Variants in SLC24A2 observed in about 807,000 individuals in gnomAD.
The protein encoded by SLC24A2 is sodium/potassium/calcium exchanger 2.
Under a neutral mutation model 62.0 loss-of-function variants are expected in SLC24A2, and 36 were observed. The ratio of observed to expected loss-of-function variants is 0.58; its 90% confidence interval spans 0.44 to 0.77. SLC24A2 has a LOEUF of 0.77. Ranked by LOEUF, SLC24A2 falls within the 30% of genes least tolerant of loss-of-function variation. The pLI, the probability that SLC24A2 is intolerant of heterozygous loss-of-function variation, is 0.00. For synonymous variants in SLC24A2, 358 were observed against 294.0 expected, an observed-to-expected ratio of 1.22 and a Z score of -2.23; for missense variants, 846 against 817.9, an observed-to-expected ratio of 1.03 and a Z score of -0.42.
chr9:20,003,595 T>C, the SLC24A2 span, among the ~76,000 whole-genome samples: 1 of 152,060 alleles, frequency 6.6e-6, no homozygotes, highest in East Asian at 1.9e-4. Flanking sequence ...ATTAAATAAA[T>C]TATAGATTCC....
At chr9:19,591,902 A>T (rs1347620211) in intron 5 of SLC24A2, among the ~76,000 whole-genome samples, 2 of 152,240 alleles carry the variant, frequency 1.3e-5, no homozygotes, top group East Asian at 3.8e-4. Flanking sequence ...ACACAATCTC[A>T]TCCTTTCATG....
chr9:19,600,134 A>T lies in SLC24A2; in HGVS notation c.1079-2855T>A, dbSNP rs117199442. ...GGGTACCACCTGGTGCCTCTTCTCT[A>T]TAACATTTCTCTAAGAAGCCACACA... On this transcript the variant is annotated intron_variant, in intron 4 of 10. Coordinates refer to ENST00000341998, the MANE Select transcript of SLC24A2 (RefSeq NM_020344.4). 5.0e-3 allele frequency among the ~76,000 whole-genome samples: 755 copies of T among 152,312 alleles called. 5 individuals are homozygous for T. Among genetic ancestry groups the T allele is most frequent in the Non-Finnish European group, 7.9e-3 (536 of 68,032 alleles).
the SLC24A2 span, among the ~76,000 whole-genome samples, chr9:20,102,964 G>A: frequency 0.011 from 1,632 of 152,268 alleles, 25 homozygotes; most frequent in African/African-American, 0.037. Flanking sequence ...GGTGACAGAC[G>A]GTACCTGGAA....
chr9:20,116,702 A>T, the SLC24A2 span, among the ~76,000 whole-genome samples: 3 of 152,160 alleles, frequency 2.0e-5, no homozygotes, highest in Non-Finnish European at 4.4e-5. Context: ...TACTTATGGA[A>T]TGTGTATAAA....
chr9:20,166,309 A>C, the SLC24A2 span, among the ~76,000 whole-genome samples: 1 of 152,030 alleles, frequency 6.6e-6, no homozygotes, highest in African/African-American at 2.4e-5. Context: ...TATGCATATG[A>C]TTATTCATTA....
the SLC24A2 span, among the ~76,000 whole-genome samples, chr9:20,259,449 A>G: frequency 3.9e-5 from 6 of 152,136 alleles, no homozygotes; most frequent in African/African-American, 1.4e-4. Flanking sequence ...CCAAAAAAAA[A>G]TTAGTTTGTT....
rs143892709 is a variant in SLC24A2, at chr9:19,516,762, G to C, written c.1737-360C>G. ...TCAGTCCTAAAAAGGTGAATTCCAG[G>C]ATTTGCACAGGGTGAAGGGAGCAGG... On this transcript the variant is annotated intron_variant, in intron 10 of 10. Coordinates refer to ENST00000341998, the MANE Select transcript of SLC24A2 (RefSeq NM_020344.4). 8.2e-4 allele frequency among the ~76,000 whole-genome samples: 125 copies of C among 152,250 alleles called. 2 individuals are homozygous for C. The highest frequency in any genetic ancestry group is 2.9e-3 in the African/African-American group (121 of 41,554).
At chr9:20,051,316 T>C in the SLC24A2 span, among the ~76,000 whole-genome samples, 3 of 152,256 alleles carry the variant, frequency 2.0e-5, no homozygotes, top group East Asian at 1.9e-4. Context: ...AGACTAACTT[T>C]TGGTAGACCT....
intron 7 of SLC24A2, among the ~76,000 whole-genome samples, chr9:19,572,908 T>G (rs1258506461): frequency 6.6e-6 from 1 of 152,142 alleles, no homozygotes; most frequent in Admixed American, 6.5e-5. Context: ...CTCTATTACT[T>G]AACACAGACC....
chr9:19,852,677 A>G, the SLC24A2 span, among the ~76,000 whole-genome samples: 1 of 152,092 alleles, frequency 6.6e-6, no homozygotes. Context: ...CCATTGGTCT[A>G]TGTGTCTGTT....
chr9:20,226,396 G>A, the SLC24A2 span, among the ~76,000 whole-genome samples: 1 of 152,156 alleles, frequency 6.6e-6, no homozygotes, highest in South Asian at 2.1e-4. Flanking sequence ...AGAGACCATA[G>A]TTGTCCATTA....
chr9:20,111,037 G>C, the SLC24A2 span, among the ~76,000 whole-genome samples: 1 of 152,186 alleles, frequency 6.6e-6, no homozygotes, highest in Non-Finnish European at 1.5e-5. Flanking sequence ...AAGCACCTGT[G>C]AATTCAAGTA....
At chr9:20,205,617 C>CTCCA in the SLC24A2 span, among the ~76,000 whole-genome samples, 5 of 137,138 alleles carry the variant, frequency 3.6e-5, no homozygotes, top group African/African-American at 1.4e-4. Context: ...CACCACTGCA[C>CTCCA]TCCAGGCTGG....
the SLC24A2 span, among the ~76,000 whole-genome samples, chr9:20,290,575 G>C: frequency 6.6e-6 from 1 of 152,236 alleles, no homozygotes; most frequent in African/African-American, 2.4e-5. Context: ...CGCTTTAGCG[G>C]CTGGAATGAG....
intron 2 of SLC24A2, among the ~76,000 whole-genome samples, chr9:19,734,366 C>T (rs61894707): frequency 8.5e-5 from 13 of 152,224 alleles, no homozygotes; most frequent in East Asian, 3.9e-4. Context: ...CTTGGCAATG[C>T]GGGCTCTTTT....
the SLC24A2 span, among the ~76,000 whole-genome samples, chr9:20,109,175 C>T: frequency 4.6e-5 from 7 of 152,260 alleles, no homozygotes; most frequent in African/African-American, 1.2e-4. Context: ...TACTCTCTGA[C>T]GTTCACAGAC....
At chr9:20,083,802 G>A in the SLC24A2 span, among the ~76,000 whole-genome samples, 1 of 152,136 alleles carries the variant, frequency 6.6e-6, no homozygotes, top group Non-Finnish European at 1.5e-5. Flanking sequence ...ATATAAATTG[G>A]CATATGCTAA....
chr9:19,911,007 G>C, the SLC24A2 span, among the ~76,000 whole-genome samples: 1 of 150,862 alleles, frequency 6.6e-6, no homozygotes, highest in Non-Finnish European at 1.5e-5. Flanking sequence ...ATGCTGGTGT[G>C]CTGCACCCAT....
the SLC24A2 span, among the ~76,000 whole-genome samples, chr9:19,920,404 T>C: frequency 6.6e-6 from 1 of 152,226 alleles, no homozygotes; most frequent in East Asian, 1.9e-4. Context: ...ACAAAGTCCA[T>C]GTCTTAGACT....
Sources: allele counts gnomAD v4.1 joint callset (sites outside exome capture counted in the v4.1 genomes callset), GRCh38; gene constraint gnomAD v4.1.1; transcripts MANE v1.5; gene names NCBI Gene and HGNC (gene_info 2026-07-23, HGNC 2026-07-21).